Variants in EBF3 observed in about 807,000 individuals in gnomAD.
EBF3 encodes the protein transcription factor COE3.
EBF3 carries 18 observed loss-of-function variants against 77.1 expected under a neutral mutation model. The ratio of observed to expected loss-of-function variants is 0.23; its 90% CI spans 0.16 to 0.35. The LOEUF is 0.35. EBF3 is among the 10% of genes least tolerant of loss of function. The pLI, the probability that EBF3 is intolerant of heterozygous loss-of-function variation, is 1.00. For missense variants in EBF3, 558 were observed against 860.0 expected, an observed-to-expected ratio of 0.65 and a Z score of 4.39; for synonymous variants, 350 against 343.5, an observed-to-expected ratio of 1.02 and a Z score of -0.21.
intron 6 of EBF3, among the ~76,000 whole-genome samples, chr10:129,928,620 A>C (rs1250161992): frequency 2.6e-5 from 4 of 152,208 alleles, no homozygotes; most frequent in Non-Finnish European, 5.9e-5. Flanking sequence ...ATTCCTAGAC[A>C]GAGAATGTGG....
chr10:129,899,772 C>T (rs1854654171), intron 6 of EBF3, among the ~76,000 whole-genome samples: 1 of 152,216 alleles, frequency 6.6e-6, no homozygotes, highest in Non-Finnish European at 1.5e-5. Context: ...GAACCCGGCC[C>T]TGCATCTACA....
chr10:129,942,681 T>C (rs1857856858), intron 6 of EBF3, among the ~76,000 whole-genome samples: 1 of 152,240 alleles, frequency 6.6e-6, no homozygotes, highest in Non-Finnish European at 1.5e-5. Context: ...CACGATCACA[T>C]TTATTTCTTC....
Position 129,864,120 on chromosome 10 carries a change from T to A in EBF3, c.1039+3021A>T, listed in dbSNP as rs1851828458. ...GGGCTGGAACTAAGGGGTCCACTGG[T>A]CCCTTAGTAGGAGGATATGAGACCT... On this transcript the variant is annotated intron_variant, in intron 10 of 16. Coordinates refer to ENST00000440978, the MANE Select transcript of EBF3 (RefSeq NM_001375380.1). The surrounding 1 kb of genome is among the most constrained non-coding windows in gnomAD (Gnocchi z 4.4). Among the ~76,000 whole-genome samples the A allele has an allele frequency of 6.6e-6, 1 of 152,002 alleles. No individual in the cohort carries two copies. The highest frequency in any genetic ancestry group is 1.5e-5 in the Non-Finnish European group (1 of 67,990).
chr10:129,933,721 G>C (rs1435812251), intron 6 of EBF3, among the ~76,000 whole-genome samples: 1 of 152,192 alleles, frequency 6.6e-6, no homozygotes, highest in Non-Finnish European at 1.5e-5. Context: ...AGACCACAGG[G>C]GGGCTCCTCT....
chr10:129,889,946 C>CTTTTTTT (rs10665456), intron 6 of EBF3, among the ~76,000 whole-genome samples: 25 of 82,894 alleles, frequency 3.0e-4, no homozygotes, highest in East Asian at 2.5e-3. Context: ...ATTGAAGTGC[C>CTTTTTTT]TTTTTTTTTT....
At chr10:129,846,495 C>A (rs1850474803) in intron 11 of EBF3, among the ~76,000 whole-genome samples, 1 of 151,698 alleles carries the variant, frequency 6.6e-6, no homozygotes, top group Admixed American at 6.6e-5. Flanking sequence ...CATTTCTATT[C>A]TTTTTTCTCT....
Position 129,963,512 on chromosome 10 carries a change from A to G in EBF3, c.146T>C (p.Leu49Pro), listed in dbSNP as rs777927734. The G allele has an allele frequency of 5.8e-6, 9 of 1,554,744 alleles. No homozygotes were observed. Among genetic ancestry groups the G allele is most frequent in the Non-Finnish European group, 7.8e-6 (9 of 1,150,382 alleles). Residue 49 changes from leucine to proline, a missense_variant, in exon 2 of 17, where the codon CTG (leucine) becomes CCG (proline). By Grantham distance (98) the Leu-to-Pro change is moderately conservative (BLOSUM62 -3). Coordinates refer to ENST00000440978, the MANE Select transcript of EBF3 (RefSeq NM_001375380.1). This position sits in a 1 kb window ranked among gnomAD's most constrained non-coding sequence, Gnocchi z 7.1. Reference protein sequence around the residue: ...ANTAAQSGVGLARAHFEKQPP... With the variant: ...ANTAAQSGVGPARAHFEKQPP... The stretch of plus-strand genomic sequence containing the variant: ...CTGCTTCTCGAAGTGCGCCCGCGCC[A>G]GCCCCACGCCGCTGCGGGAGGAAAG...
At chr10:129,854,195 C>T (rs1294744861) in intron 10 of EBF3, among the ~76,000 whole-genome samples, 1 of 152,102 alleles carries the variant, frequency 6.6e-6, no homozygotes, top group Non-Finnish European at 1.5e-5. Flanking sequence ...ACTTTATCAT[C>T]AACTGTCTCC....
At chr10:129,923,865 T>C (rs1589869722) in intron 6 of EBF3, among the ~76,000 whole-genome samples, 1 of 152,180 alleles carries the variant, frequency 6.6e-6, no homozygotes, top group African/African-American at 2.4e-5. Context: ...AGTCACAGAA[T>C]GGAATAAACT....
rs1431153286 is a variant in EBF3, at chr10:129,840,310, G to A, written c.1694C>T (p.Pro565Leu). Reference sequence around the variant, plus strand: ...AGGAGAGGCTTGGGGCCGGACCACGGGCGCGAAGGCGCTCTTCTGTTTCAC... The same window carrying A: ...AGGAGAGGCTTGGGGCCGGACCACGAGCGCGAAGGCGCTCTTCTGTTTCAC... Reference protein sequence around the residue: ...SAVKQKSAFAPVVRPQASPPP... With the variant: ...SAVKQKSAFALVVRPQASPPP... Residue 565 changes from proline (P) to leucine (L), a missense_variant, in exon 15 of 17, where the codon CCC becomes CTC. Coordinates refer to ENST00000440978, the MANE Select transcript of EBF3 (RefSeq NM_001375380.1). The A allele has an allele frequency of 6.3e-7, 1 of 1,591,014 alleles. No individual in the cohort carries two copies. The highest frequency in any genetic ancestry group is 1.3e-5 in the African/African-American group (1 of 74,778).
rs367822407 is a variant in EBF3 at position 129,938,817 on chromosome 10, G to C, written c.554+18441C>G. On this transcript the variant is annotated intron_variant, in intron 6 of 16. Transcript: ENST00000440978. The surrounding 1 kb of genome is among the most constrained non-coding windows in gnomAD (Gnocchi z 5.1). ...CTTCGTGGCCCATAAAACCAACCTG[G>C]GGAAAGAGAACAGAACTTTGGGGCA... 6.6e-6 allele frequency among the ~76,000 whole-genome samples: 1 copy of C among 152,082 alleles called. No individual in the cohort carries two copies. The highest frequency in any genetic ancestry group is 1.5e-5 in the Non-Finnish European group (1 of 68,026).
At chr10:129,854,815 G>A (rs1265343161) in intron 10 of EBF3, among the ~76,000 whole-genome samples, 1 of 152,226 alleles carries the variant, frequency 6.6e-6, no homozygotes, top group Admixed American at 6.5e-5. Context: ...CACTCGGCAG[G>A]GTGAGCCAGG....
chr10:129,859,003 C>T (rs77238830), intron 10 of EBF3, among the ~76,000 whole-genome samples: 7,025 of 152,266 alleles, frequency 0.046, 336 homozygotes, highest in African/African-American at 0.095. Flanking sequence ...AAATTTCGCA[C>T]GCTCCGTAAT....
intron 6 of EBF3, among the ~76,000 whole-genome samples, chr10:129,895,628 T>C (rs1854316743): frequency 6.6e-6 from 1 of 152,224 alleles, no homozygotes; most frequent in African/African-American, 2.4e-5. Context: ...AGAGGAGTCC[T>C]GAGGACCCTG....
chr10:129,844,048 G>A (rs916510048), intron 11 of EBF3, among the ~76,000 whole-genome samples: 2 of 152,180 alleles, frequency 1.3e-5, no homozygotes, highest in East Asian at 1.9e-4. Flanking sequence ...TTAATAAGCC[G>A]AGGCCAGGCC....
At chr10:129,867,382 GCC>G in intron 9 of EBF3, 115 bp from the exon 10 acceptor site, 1 of 1,478,958 alleles carries the variant, frequency 6.8e-7, no homozygotes, top group Middle Eastern at 1.7e-4. Context: ...GTCTTGGAAT[GCC>G]CCCTCCTAGC....
At chr10:129,887,955 C>T (rs1853725988) in intron 6 of EBF3, among the ~76,000 whole-genome samples, 1 of 152,196 alleles carries the variant, frequency 6.6e-6, no homozygotes, top group Non-Finnish European at 1.5e-5. Flanking sequence ...GGGACCATGC[C>T]ATAGAAACTC....
At chr10:129,849,709 G>A (rs1335555221) in intron 10 of EBF3, among the ~76,000 whole-genome samples, 1 of 152,198 alleles carries the variant, frequency 6.6e-6, no homozygotes, top group Non-Finnish European at 1.5e-5. Context: ...ACATCCCGGA[G>A]ATAAAGGTCC....
chr10:129,955,088 A>G (rs1208015674), intron 6 of EBF3, among the ~76,000 whole-genome samples: 1 of 152,206 alleles, frequency 6.6e-6, no homozygotes, highest in Non-Finnish European at 1.5e-5. Flanking sequence ...AATATGCCGT[A>G]AGCTGGAGAC....
Sources: gnomAD v4.1 joint callset for allele counts (sites outside exome capture counted in the v4.1 genomes callset) on GRCh38, gnomAD v4.1.1 for gene constraint, Gnocchi (gnomAD v3.1) non-coding constraint, MANE v1.5 for transcripts, NCBI Gene and HGNC (gene_info 2026-07-23, HGNC 2026-07-21) for gene names.